TMEM72: variants seen among roughly 807,000 people sequenced by gnomAD.
TMEM72 encodes kidney-specific secretory protein of 37 kDa.
Under a neutral mutation model 16.3 loss-of-function variants are expected in TMEM72, and 9 were observed. The ratio of observed to expected loss-of-function variants is 0.55; its 90% CI spans 0.33 to 0.96. TMEM72 has a LOEUF of 0.96. TMEM72 is among the 40% of genes least tolerant of loss of function. The pLI, the probability that TMEM72 is intolerant of heterozygous loss-of-function variation, is 0.03. For synonymous variants in TMEM72, 160 were observed against 146.5 expected, an observed-to-expected ratio of 1.09 and a Z score of -0.66; for missense variants, 324 against 337.8, an observed-to-expected ratio of 0.96 and a Z score of 0.32.
At chr10:44,925,894 C>G (rs551980818) in intron 1 of TMEM72, among the ~76,000 whole-genome samples, 2 of 152,206 alleles carry the variant, frequency 1.3e-5, no homozygotes, top group South Asian at 4.1e-4. Flanking sequence ...CACATATACT[C>G]ACATACACTC....
At chr10:44,927,626 G>A (rs571387601) in intron 1 of TMEM72, among the ~76,000 whole-genome samples, 1 of 152,378 alleles carries the variant, frequency 6.6e-6, no homozygotes, top group East Asian at 1.9e-4. Context: ...TGTGAATCAA[G>A]GGGCTGGTGC....
intron 2 of TMEM72, among the ~76,000 whole-genome samples, chr10:44,930,120 A>G (rs1446370155): frequency 8.6e-5 from 13 of 151,856 alleles, no homozygotes; most frequent in Admixed American, 8.5e-4. Flanking sequence ...CCCTATGCCC[A>G]TGTGGTCTCT....
chr10:44,919,192 T>C (rs190364428), intron 1 of TMEM72, among the ~76,000 whole-genome samples: 1 of 152,302 alleles, frequency 6.6e-6, no homozygotes, highest in African/African-American at 2.4e-5. Context: ...ACAGAAAACA[T>C]ACATCTACTT....
intron 1 of TMEM72, among the ~76,000 whole-genome samples, chr10:44,913,704 T>C (rs1261509685): frequency 6.6e-6 from 1 of 152,222 alleles, no homozygotes; most frequent in African/African-American, 2.4e-5. Context: ...TTGGTGTTCT[T>C]GGGCAAATCT....
chr10:44,917,560 C>T (rs1465452367), intron 1 of TMEM72, among the ~76,000 whole-genome samples: 1 of 152,032 alleles, frequency 6.6e-6, no homozygotes, highest in African/African-American at 2.4e-5. Context: ...AGATGGCAGC[C>T]CTGTTTTATT....
At chr10:44,931,348 G>A (rs901772564) in intron 2 of TMEM72, among the ~76,000 whole-genome samples, 16 of 152,224 alleles carry the variant, frequency 1.1e-4, no homozygotes, top group African/African-American at 3.4e-4. Flanking sequence ...CTGATTGCAG[G>A]ATCCATGGAC....
Position 44,915,972 on chromosome 10 carries a change from A to G in TMEM72, c.70+4390A>G, listed in dbSNP as rs977455909. Among the ~76,000 whole-genome samples, 30 of 152,110 alleles carry G rather than the reference A, an allele frequency of 2.0e-4. 1 individual carries two copies. Among genetic ancestry groups the G allele is most frequent in the African/African-American group, 7.2e-4 (30 of 41,384 alleles). On this transcript the variant is annotated intron_variant, in intron 1 of 4. Transcript: ENST00000389583. The stretch of plus-strand genomic sequence containing the variant: ...AGGGCTGACTGCATGCATTATGGTC[A>G]TTGTCTCGCTCCAGCCCCACAAATG...
At chr10:44,930,602 C>T (rs912252491) in intron 2 of TMEM72, among the ~76,000 whole-genome samples, 2 of 152,162 alleles carry the variant, frequency 1.3e-5, no homozygotes, top group Admixed American at 6.5e-5. Context: ...GCAATCATTA[C>T]ATAAATGTTA....
At chr10:44,921,453 C>T (rs1840097345) in intron 1 of TMEM72, among the ~76,000 whole-genome samples, 2 of 152,220 alleles carry the variant, frequency 1.3e-5, no homozygotes, top group South Asian at 4.1e-4. Context: ...AAGCACATCT[C>T]AGGGCGATTA....
At chr10:44,918,858 G>A (rs1840050333) in intron 1 of TMEM72, among the ~76,000 whole-genome samples, 1 of 151,760 alleles carries the variant, frequency 6.6e-6, no homozygotes, top group Admixed American at 6.6e-5. Context: ...TACAATGTGC[G>A]GTAACAGTGA....
At chr10:44,921,437 G>A (rs765394085) in intron 1 of TMEM72, among the ~76,000 whole-genome samples, 12 of 152,174 alleles carry the variant, frequency 7.9e-5, no homozygotes, top group Admixed American at 2.0e-4. Context: ...CAGCACAGCC[G>A]GACTGAAGCA....
intron 1 of TMEM72, among the ~76,000 whole-genome samples, chr10:44,914,516 A>G (rs1400254904): frequency 5.3e-5 from 8 of 152,218 alleles, no homozygotes; most frequent in Admixed American, 5.2e-4. Context: ...ATTGCCGCCC[A>G]TGGAAGCAGA....
At chr10:44,921,466 T>G (rs1019101545) in intron 1 of TMEM72, among the ~76,000 whole-genome samples, 2 of 152,186 alleles carry the variant, frequency 1.3e-5, no homozygotes, top group African/African-American at 4.8e-5. Context: ...GGCGATTATT[T>G]CTTGTAGAGA....
Position 44,911,429 on chromosome 10 carries a change from C to T in TMEM72, c.-84C>T. 1 of 1,424,110 alleles carries T rather than the reference C, an allele frequency of 7.0e-7. No homozygotes were observed. The allele number at this position is 1,424,110 out of a possible 1,614,324, so 88.2% of individuals were successfully genotyped here. On this transcript the variant is annotated 5_prime_UTR_variant, in exon 1 of 5. Coordinates refer to ENST00000389583, the MANE Select transcript of TMEM72 (RefSeq NM_001123376.3). ...TGCAGCCACAGCCAGCAGCCTCCTA[C>T]CTACACAAGGGTGTTCGGGAGCATC...
rs75809816 is a variant in TMEM72, at chr10:44,926,610, G to C, written c.71-1311G>C. Among the ~76,000 whole-genome samples the C allele has an allele frequency of 5.8e-3, 891 of 152,312 alleles. 23 individuals carry two copies. The East Asian group carries it at 0.08, about 14-fold the overall frequency. On this transcript the variant is annotated intron_variant, in intron 1 of 4. Coordinates refer to ENST00000389583, the MANE Select transcript of TMEM72 (RefSeq NM_001123376.3). Reference sequence around the variant, plus strand: ...GAACCTGGAGAGAGTGGGAGACTCGGTGTCCGCCTCCTGTGAACCAAGGGA... The same window carrying C: ...GAACCTGGAGAGAGTGGGAGACTCGCTGTCCGCCTCCTGTGAACCAAGGGA...
Position 44,935,078 on chromosome 10 carries a change from C to A in TMEM72, c.772C>A (p.Pro258Thr). The change falls in exon 5 of 5, where the codon CCC becomes ACC. Residue 258 changes from proline (P) to threonine (T), a missense_variant. Physicochemically the swap from Pro to Thr is conservative, Grantham distance 38. Coordinates refer to ENST00000389583, the MANE Select transcript of TMEM72 (RefSeq NM_001123376.3). Reference sequence around the variant, plus strand: ...CACCTCTGACACGACACCCATCATTCCCCCTCCCCAGGCCCCACTCTTCCT... The same window carrying A: ...CACCTCTGACACGACACCCATCATTACCCCTCCCCAGGCCCCACTCTTCCT... ...ETTSDTTPII[P>T]PPQAPLFLSS... 1 of 1,612,472 alleles carries A rather than the reference C, an allele frequency of 6.2e-7. No individual in the cohort carries two copies. Among genetic ancestry groups the A allele is most frequent in the Non-Finnish European group, 8.5e-7 (1 of 1,179,282 alleles).
intron 2 of TMEM72, among the ~76,000 whole-genome samples, chr10:44,930,623 T>G (rs1397639723): frequency 6.6e-6 from 1 of 152,186 alleles, no homozygotes; most frequent in Non-Finnish European, 1.5e-5. Context: ...GTTATTATCA[T>G]TTTAAAACCA....
intron 1 of TMEM72, among the ~76,000 whole-genome samples, chr10:44,923,978 C>T (rs898986011): frequency 6.6e-6 from 1 of 152,222 alleles, no homozygotes. Flanking sequence ...ATACCCTGTG[C>T]TGGGAGAGGG....
Position 44,934,847 on chromosome 10 carries a change from T to C in TMEM72, c.541T>C (p.Ser181Pro). 6.2e-7 allele frequency: 1 copy of C among 1,613,522 alleles called. No individual in the cohort carries two copies. The highest frequency in any genetic ancestry group is 8.5e-7 in the Non-Finnish European group (1 of 1,179,962). ...TGGGGCCCTCAAGGAGGGGCCCAGC[T>C]CCCTTTTCATCCACATGAAGAGTAT... The part of the protein sequence containing the change: ...FHGALKEGPS[S>P]LFIHMKSILK... The change falls in exon 5 of 5, where the codon TCC becomes CCC. Residue 181 changes from serine to proline, a missense_variant. Ser to Pro is a moderately conservative substitution (Grantham distance 74). Transcript: ENST00000389583.
Sources: gnomAD v4.1 joint callset for allele counts (sites outside exome capture counted in the v4.1 genomes callset) on GRCh38, gnomAD v4.1.1 for gene constraint, MANE v1.5 for transcripts, NCBI Gene and HGNC (gene_info 2026-07-23, HGNC 2026-07-21) for gene names.